ASTN2: variants seen among roughly 807,000 people sequenced by gnomAD.
ASTN2 encodes the protein astrotactin-2.
A neutral mutation model predicts 139.8 loss-of-function variants in ASTN2; 54 were observed. The observed-to-expected ratio is 0.39, with a 90% CI of 0.31 to 0.48. ASTN2 has a LOEUF of 0.48. Ranked by LOEUF, ASTN2 falls within the 20% of genes least tolerant of loss-of-function variation. ASTN2 has a pLI of 0.95. For synonymous variants in ASTN2, 756 were observed against 719.5 expected (o/e 1.05, Z -0.81); for missense variants, 1,565 against 1,725.1 (o/e 0.91, Z 1.64).
At chr9:117,158,176 C>T (rs1830471071) in intron 3 of ASTN2, among the ~76,000 whole-genome samples, 1 of 152,018 alleles carries the variant, frequency 6.6e-6, no homozygotes, top group Admixed American at 6.6e-5. Flanking sequence ...AGGGTACTAA[C>T]CCAGTTCCAC....
chr9:116,682,723 G>T (rs1389209105), intron 16 of ASTN2, among the ~76,000 whole-genome samples: 1 of 152,128 alleles, frequency 6.6e-6, no homozygotes, highest in African/African-American at 2.4e-5. Context: ...CATGTCCTTT[G>T]TAGAGACATG....
chr9:117,356,246 A>T lies in ASTN2; in HGVS notation c.442+58251T>A, dbSNP rs542123409. Among the ~76,000 whole-genome samples the T allele has an allele frequency of 3.9e-5, 6 of 152,356 alleles. No individual in the cohort carries two copies. In the East Asian group the frequency reaches 1.2e-3, roughly 29 times the overall value. On this transcript the variant is annotated intron_variant, in intron 1 of 22. Transcript: ENST00000313400. ...TCCAAAGCAAAAGTCTTCATCATAA[A>T]GTCAAAATCTTAAAATATGCAGGGG...
intron 22 of ASTN2, chr9:116,437,411 G>A (rs1264296769): frequency 6.4e-6 from 3 of 471,286 alleles, no homozygotes; most frequent in African/African-American, 4.0e-5. Flanking sequence ...AGAAAGACCA[G>A]AGGAGGAGGA....
At position 116,657,465 on chromosome 9, in the gene ASTN2, T is replaced by A. The variant is rs116900412; in HGVS notation, c.2807-5672A>T. 7.2e-5 allele frequency among the ~76,000 whole-genome samples: 11 copies of A among 152,290 alleles called. No homozygotes were observed. In the East Asian group the frequency reaches 2.1e-3, roughly 29 times the overall value. The stretch of plus-strand genomic sequence containing the variant: ...TAATAGAAGTAAAATTCCCAAGTCA[T>A]GCCCCTAGATGCAGAAGTTACAAAG... On this transcript the variant is annotated intron_variant, in intron 16 of 22. Transcript: ENST00000313400.
At chr9:117,363,901 T>C (rs892645616) in intron 1 of ASTN2, among the ~76,000 whole-genome samples, 1 of 152,188 alleles carries the variant, frequency 6.6e-6, no homozygotes, top group African/African-American at 2.4e-5. Context: ...GTGTAGTGCA[T>C]AGGAATTCTT....
At chr9:117,137,404 C>T (rs575044636) in intron 4 of ASTN2, among the ~76,000 whole-genome samples, 12 of 152,264 alleles carry the variant, frequency 7.9e-5, no homozygotes, top group East Asian at 5.8e-4. Context: ...AGGCAGCCCA[C>T]GGCAACCTCA....
At chr9:117,207,222 G>A (rs1019978023) in intron 3 of ASTN2, among the ~76,000 whole-genome samples, 3 of 152,020 alleles carry the variant, frequency 2.0e-5, no homozygotes, top group Non-Finnish European at 4.4e-5. Context: ...ATGCCCACAG[G>A]TTGGATGAGC....
In ASTN2 at chr9:116,712,703, G is replaced by A. The variant is rs149695378; in HGVS notation, c.2806+13068C>T. Among the ~76,000 whole-genome samples the A allele has an allele frequency of 1.7e-3, 264 of 152,270 alleles. 1 individual carries two copies. The highest frequency in any genetic ancestry group is 2.6e-3 in the Non-Finnish European group (177 of 68,030). On this transcript the variant is annotated intron_variant, in intron 16 of 22. Transcript: ENST00000313400. ...TTTTCCTTAGAGAATCTTCTCAACT[G>A]TAAAATAATTGAAAGTTGCGTTCCT...
At chr9:117,025,242 G>C (rs1283209433) in intron 6 of ASTN2, among the ~76,000 whole-genome samples, 2 of 152,096 alleles carry the variant, frequency 1.3e-5, no homozygotes, top group African/African-American at 4.8e-5. Flanking sequence ...GAGGAGAATG[G>C]GCTAAGATTA....
chr9:117,295,450 C>T (rs1431068100), intron 1 of ASTN2, among the ~76,000 whole-genome samples: 1 of 152,164 alleles, frequency 6.6e-6, no homozygotes, highest in Non-Finnish European at 1.5e-5. Context: ...TGTCTTATTT[C>T]CTGCCATCTC....
At chr9:117,189,119 C>T (rs1831282456) in intron 3 of ASTN2, among the ~76,000 whole-genome samples, 1 of 152,072 alleles carries the variant, frequency 6.6e-6, no homozygotes, top group African/African-American at 2.4e-5. Flanking sequence ...TATAAAAGGA[C>T]ACAAAAAAGG....
intron 3 of ASTN2, among the ~76,000 whole-genome samples, chr9:117,193,875 C>T (rs1831417850): frequency 6.6e-6 from 1 of 152,150 alleles, no homozygotes; most frequent in African/African-American, 2.4e-5. Flanking sequence ...TCCCCAGGCT[C>T]TCTGAAAACT....
intron 2 of ASTN2, among the ~76,000 whole-genome samples, chr9:117,231,346 T>C (rs2133056981): frequency 6.6e-6 from 1 of 152,302 alleles, no homozygotes; most frequent in Non-Finnish European, 1.5e-5. Context: ...GACTAGTCCT[T>C]CTTATTTGTG....
intron 11 of ASTN2, among the ~76,000 whole-genome samples, chr9:116,841,816 A>G (rs531253738): frequency 1.3e-5 from 2 of 152,340 alleles, no homozygotes; most frequent in East Asian, 1.9e-4. Context: ...GCTAACTGCT[A>G]TTGTAGTTAC....
At chr9:117,001,342 T>C (rs1837185934) in intron 7 of ASTN2, among the ~76,000 whole-genome samples, 2 of 152,182 alleles carry the variant, frequency 1.3e-5, no homozygotes, top group Non-Finnish European at 2.9e-5. Flanking sequence ...AGTTTTTCCA[T>C]GACTTTCCCC....
chr9:117,015,205 G>T (rs1159031389), intron 6 of ASTN2, among the ~76,000 whole-genome samples: 1 of 151,954 alleles, frequency 6.6e-6, no homozygotes, highest in East Asian at 1.9e-4. Context: ...TTTTTGTAGA[G>T]ACAGGATTTT....
intron 19 of ASTN2, among the ~76,000 whole-genome samples, chr9:116,542,565 T>C (rs76566846): frequency 2.0e-5 from 3 of 152,076 alleles, no homozygotes; most frequent in Admixed American, 6.5e-5. Flanking sequence ...GGGAAAAAAA[T>C]AGATTACATT....
At chr9:117,062,759 A>T (rs1187312501) in intron 5 of ASTN2, among the ~76,000 whole-genome samples, 3 of 152,184 alleles carry the variant, frequency 2.0e-5, no homozygotes, top group Non-Finnish European at 2.9e-5. Context: ...TACAGAAGAC[A>T]TTTCTTTAAA....
At chr9:117,230,130 A>G (rs1474752243) in intron 2 of ASTN2, among the ~76,000 whole-genome samples, 1 of 141,550 alleles carries the variant, frequency 7.1e-6, no homozygotes, top group Non-Finnish European at 1.5e-5. Flanking sequence ...AAAAAAAAAA[A>G]GCCCTATTGA....
Sources: allele counts gnomAD v4.1 joint callset (sites outside exome capture counted in the v4.1 genomes callset), GRCh38; gene constraint gnomAD v4.1.1; transcripts MANE v1.5; gene names NCBI Gene and HGNC (gene_info 2026-07-23, HGNC 2026-07-21).